Variants in ACLY observed in about 807,000 individuals in gnomAD.
The protein encoded by ACLY is ATP citrate lyase, also known as ATP-citrate synthase.
A neutral mutation model predicts 133.0 loss-of-function variants in ACLY; 41 were observed. The observed-to-expected ratio is 0.31, with a 90% confidence interval of 0.24 to 0.40. The LOEUF is 0.40. Ranked by LOEUF, ACLY falls within the 10% of genes least tolerant of loss-of-function variation. The pLI is 1.00. For synonymous variants in ACLY, 495 were observed against 549.3 expected (o/e 0.90, Z 1.38); for missense variants, 1,046 against 1,453.8 (o/e 0.72, Z 4.56).
chr17:41,889,553 A>AAAAAAAAAAAAAAAAAAAC (rs2049149300), intron 16 of ACLY, among the ~76,000 whole-genome samples: 2 of 149,792 alleles, frequency 1.3e-5, no homozygotes, highest in Non-Finnish European at 1.5e-5. Flanking sequence ...AAAAAAAAAA[A>AAAAAAAAAAAAAAAAAAAC]AAAGAAGTAG....
At chr17:41,922,370 CAAAAAA>C (rs1164362085), upstream of ACLY, among the ~76,000 whole-genome samples, 20 of 30,928 alleles carry the variant, frequency 6.5e-4, no homozygotes, top group African/African-American at 2.0e-3. Flanking sequence ...CAGAGCGAGA[CAAAAAA>C]AAAAAAAAAA....
chr17:41,876,232 G>A (rs1201024352), intron 22 of ACLY, among the ~76,000 whole-genome samples: 1 of 151,850 alleles, frequency 6.6e-6, no homozygotes, highest in African/African-American at 2.4e-5. Flanking sequence ...CACCCCGTCC[G>A]GGAGGGAGAT....
chr17:41,869,129 G>A lies in ACLY; in HGVS notation c.3052-4C>T. On this transcript the variant is annotated splice_polypyrimidine_tract_variant and splice_region_variant and intron_variant, in intron 26 of 28. Coordinates refer to ENST00000352035, the MANE Select transcript of ACLY (RefSeq NM_001096.3). ...CATTCAGGATAAGATTTGGCTTCTGGGAAGGCAAAAAAATTCAAAGCATTT... is the reference window on the plus strand; with the variant it reads ...CATTCAGGATAAGATTTGGCTTCTGAGAAGGCAAAAAAATTCAAAGCATTT... 6.2e-7 allele frequency: 1 copy of A among 1,605,742 alleles called. No individual in the cohort carries two copies. Among genetic ancestry groups the A allele is most frequent in the Admixed American group, 1.7e-5 (1 of 58,048 alleles).
intron 7 of ACLY, among the ~76,000 whole-genome samples, chr17:41,906,971 C>T (rs959860759): frequency 2.0e-5 from 3 of 152,180 alleles, no homozygotes; most frequent in Non-Finnish European, 4.4e-5. Context: ...TCTGCCTGCT[C>T]GGCCCATCAC....
chr17:41,913,559 G>C (rs1555633997), intron 2 of ACLY, among the ~76,000 whole-genome samples, 156 bp downstream of exon 2: 1 of 152,204 alleles, frequency 6.6e-6, no homozygotes, highest in Non-Finnish European at 1.5e-5. Context: ...GGCTCAGCAT[G>C]AACACAAACC....
intron 5 of ACLY, 40 bp from the exon 6 acceptor site, chr17:41,909,108 G>T: frequency 6.5e-7 from 1 of 1,534,650 alleles, no homozygotes; most frequent in South Asian, 1.1e-5. Flanking sequence ...CATCCATCAG[G>T]GAGCAGCTCG....
At chr17:41,901,129 ATT>A (rs782019106) in intron 11 of ACLY, among the ~76,000 whole-genome samples, 1 of 142,222 alleles carries the variant, frequency 7.0e-6, no homozygotes, top group Admixed American at 7.0e-5. Flanking sequence ...TAATTTTTGT[ATT>A]TTTTTTTTTG....
intron 9 of ACLY, 63 bp downstream of exon 9, chr17:41,905,459 T>C (rs1035884721): frequency 5.0e-6 from 8 of 1,604,702 alleles, no homozygotes; most frequent in East Asian, 4.5e-5. Context: ...AGCTGTCCCA[T>C]TGCAGCCTGC....
At position 41,867,456 on chromosome 17, in the gene ACLY, A is replaced by T. The variant is rs1382966526; in HGVS notation, c.*354T>A. 1 of 161,758 alleles carries T rather than the reference A, an allele frequency of 6.2e-6. No individual in the cohort carries two copies. The highest frequency in any genetic ancestry group is 2.4e-5 in the African/African-American group (1 of 41,832). 10.0% of individuals were successfully genotyped at this position (161,758 alleles called of 1,614,324 possible). ...ATTCCCTTCCTCCAAAGGAGAAAAA[A>T]ATGTTTAACTAATGGAAAAAGAAAG... On this transcript the variant is annotated 3_prime_UTR_variant, in exon 29 of 29. Coordinates refer to ENST00000352035, the MANE Select transcript of ACLY (RefSeq NM_001096.3).
Position 41,906,648 on chromosome 17 carries a change from TG to T in ACLY, c.748-3del, listed in dbSNP as rs1555632741. The T allele has an allele frequency of 1.2e-6, 2 of 1,614,042 alleles. No homozygotes were observed. The highest frequency in any genetic ancestry group is 1.7e-6 in the Non-Finnish European group (2 of 1,179,884). ...ATCGAGGTCTGCAATGTAGGCTTCCTGGGGACCAGACAGCAACAGGTAGGCC... is the reference window on the plus strand; with the variant it reads ...ATCGAGGTCTGCAATGTAGGCTTCCTGGGACCAGACAGCAACAGGTAGGCC... On this transcript the variant is annotated splice_region_variant and splice_polypyrimidine_tract_variant and intron_variant, in intron 7 of 28. Transcript: ENST00000352035.
chr17:41,881,484 C>T (rs1555627334), intron 20 of ACLY, among the ~76,000 whole-genome samples: 1 of 149,908 alleles, frequency 6.7e-6, no homozygotes, highest in African/African-American at 2.5e-5. Context: ...ACTGACAAGG[C>T]ATGGGAAAAA....
At chr17:41,870,318 G>C (rs567946763) in intron 25 of ACLY, 24 of 152,424 alleles carry the variant, frequency 1.6e-4, no homozygotes, top group African/African-American at 5.1e-4. Flanking sequence ...GCAAAGTCAA[G>C]CAAGTCCTGG....
At chr17:41,882,042 G>A (rs1555627413) in intron 20 of ACLY, among the ~76,000 whole-genome samples, 1 of 151,870 alleles carries the variant, frequency 6.6e-6, no homozygotes, top group African/African-American at 2.4e-5. Context: ...TTGTGGATAT[G>A]CCATGCTGAC....
chr17:41,905,809 G>T, intron 8 of ACLY, 151 bp from the exon 9 acceptor site: 2 of 950,690 alleles, frequency 2.1e-6, no homozygotes, highest in Non-Finnish European at 1.6e-6. Flanking sequence ...TCCCATGCAA[G>T]TCTGGCCTGC....
rs540132655 is a variant in ACLY at position 41,876,307 on chromosome 17, G to A, written c.2487+1796C>T. ...AGGGAGGTGGGGGGGTCAGCCCCCCGCCCGGCCAGCCGCCCCGTCCGGGAG... is the reference window on the plus strand; with the variant it reads ...AGGGAGGTGGGGGGGTCAGCCCCCCACCCGGCCAGCCGCCCCGTCCGGGAG... On this transcript the variant is annotated intron_variant, in intron 22 of 28. Transcript: ENST00000352035. Among the ~76,000 whole-genome samples the A allele has an allele frequency of 8.1e-5, 12 of 148,340 alleles. No homozygotes were observed. In the East Asian group the frequency reaches 1.0e-3, roughly 13 times the overall value.
chr17:41,927,779 T>TCA (rs1420896163), intron 1 of ACLY, among the ~76,000 whole-genome samples: 1 of 150,878 alleles, frequency 6.6e-6, no homozygotes, highest in African/African-American at 2.4e-5. Flanking sequence ...TGAGCTGAGA[T>TCA]CACGCCACTG....
chr17:41,904,899 T>C, intron 9 of ACLY, 109 bp from the exon 10 acceptor site: 1 of 1,064,510 alleles, frequency 9.4e-7, no homozygotes. Flanking sequence ...GGGTCCCCCA[T>C]CTGCCAGGAG....
In ACLY at chr17:41,904,715, G is replaced by A. The variant is rs2049660070; in HGVS notation, c.1065+14C>T. 1 of 1,612,454 alleles carries A rather than the reference G, an allele frequency of 6.2e-7. No homozygotes were observed. Among genetic ancestry groups the A allele is most frequent in the Non-Finnish European group, 8.5e-7 (1 of 1,178,676 alleles). ...CACTTTCCCCAGAAACTGCACCACT[G>A]TTGCAACTGTTACCTTGAACGTGGC... On this transcript the variant is annotated intron_variant, in intron 10 of 28. Transcript: ENST00000352035.
At chr17:41,906,687 C>T (rs1567909187) in intron 7 of ACLY, 41 bp from the exon 8 acceptor site, 3 of 1,560,124 alleles carry the variant, frequency 1.9e-6, no homozygotes, top group Admixed American at 3.3e-5. Context: ...TGGGGTACCC[C>T]CTTTACCAGG....
Sources: allele counts gnomAD v4.1 joint callset (sites outside exome capture counted in the v4.1 genomes callset), GRCh38; gene constraint gnomAD v4.1.1; transcripts MANE v1.5; gene names NCBI Gene and HGNC (gene_info 2026-07-23, HGNC 2026-07-21).